Variants in TBL1XR1 observed in about 807,000 individuals in gnomAD.
The protein encoded by TBL1XR1 is TBL1X/Y related 1.
TBL1XR1 carries 5 observed loss-of-function variants against 66.9 expected under a neutral mutation model. That is an observed-to-expected ratio of 0.07 (90% CI 0.04 to 0.16). The LOEUF (loss-of-function observed/expected upper bound fraction) is 0.16, where lower values mean the gene tolerates loss of function less well. Ranked by LOEUF, TBL1XR1 falls within the 10% of genes least tolerant of loss-of-function variation. TBL1XR1 has a pLI of 1.00. For missense variants in TBL1XR1, 238 were observed against 623.2 expected (o/e 0.38, Z 6.58); for synonymous variants, 210 against 206.0 (o/e 1.02, Z -0.17).
chr3:177,170,243 C>A (rs554698972), intron 1 of TBL1XR1, among the ~76,000 whole-genome samples: 5 of 152,156 alleles, frequency 3.3e-5, no homozygotes, highest in South Asian at 2.1e-4. Flanking sequence ...ACAAGCCTCT[C>A]ATGACCTGGG....
chr3:177,156,078 G>A (rs1430389805), intron 1 of TBL1XR1, among the ~76,000 whole-genome samples: 1 of 140,368 alleles, frequency 7.1e-6, no homozygotes, highest in Non-Finnish European at 1.5e-5. Flanking sequence ...TAGAAATACA[G>A]GATAAACTTT....
At chr3:177,091,336 A>G (rs1038401328) in intron 2 of TBL1XR1, among the ~76,000 whole-genome samples, 3 of 152,092 alleles carry the variant, frequency 2.0e-5, no homozygotes, top group African/African-American at 7.2e-5. Context: ...CATGTACTTT[A>G]TATGTCATTT....
At chr3:177,149,464 CAT>C (rs1331809552) in intron 1 of TBL1XR1, among the ~76,000 whole-genome samples, 2 of 152,066 alleles carry the variant, frequency 1.3e-5, no homozygotes, top group East Asian at 1.9e-4. Context: ...TCTCATTTTA[CAT>C]ATAAGAAAAC....
chr3:177,138,455 G>A (rs950802604), intron 1 of TBL1XR1, among the ~76,000 whole-genome samples: 1 of 152,118 alleles, frequency 6.6e-6, no homozygotes, highest in African/African-American at 2.4e-5. Flanking sequence ...TAGTTGGGGT[G>A]GTGGCACACT....
chr3:177,157,346 G>A lies in TBL1XR1; in HGVS notation c.-122+39775C>T, dbSNP rs114720384. ...TCCTCCATCTTCCAAGCCAAGAAAT[G>A]TGTGCATCTGACCATTCTTCAGCAG... On this transcript the variant is annotated intron_variant, in intron 1 of 15. Transcript: ENST00000457928. 2.4e-3 allele frequency among the ~76,000 whole-genome samples: 368 copies of A among 152,358 alleles called. 2 individuals are homozygous for A. The highest frequency in any genetic ancestry group is 6.8e-3 in the Admixed American group (104 of 15,294).
At position 177,019,687 on chromosome 3, in the gene TBL1XR1, G is replaced by T. The variant is rs1193392369; in HGVS notation, c.*5811C>A. 3 of 152,100 alleles carry T rather than the reference G, an allele frequency of 2.0e-5. No homozygotes were observed. Among genetic ancestry groups the T allele is most frequent in the African/African-American group, 7.2e-5 (3 of 41,420 alleles). The allele number at this position is 152,100 out of a possible 1,614,324, so 9.4% of individuals were successfully genotyped here. On this transcript the variant is annotated 3_prime_UTR_variant, in exon 16 of 16. Transcript: ENST00000457928. ...TAATAAATCTAATCCATTGTAAAGT[G>T]TTAACTATGAAATTAAAAATAATCC...
chr3:177,133,179 C>G (rs1178101314), intron 1 of TBL1XR1, among the ~76,000 whole-genome samples: 1 of 152,098 alleles, frequency 6.6e-6, no homozygotes, highest in African/African-American at 2.4e-5. Context: ...CCCAGCTACT[C>G]AGGAGGCTGA....
At chr3:177,138,139 T>C (rs931804413) in intron 1 of TBL1XR1, among the ~76,000 whole-genome samples, 10 of 152,160 alleles carry the variant, frequency 6.6e-5, no homozygotes, top group African/African-American at 2.2e-4. Context: ...CCAAGTTATA[T>C]ACTAATCACA....
intron 1 of TBL1XR1, among the ~76,000 whole-genome samples, chr3:177,159,991 T>G (rs1731982489): frequency 6.6e-6 from 1 of 152,262 alleles, no homozygotes; most frequent in Non-Finnish European, 1.5e-5. Flanking sequence ...TAATATAAAG[T>G]AGTGGTGAAG....
intron 1 of TBL1XR1, among the ~76,000 whole-genome samples, chr3:177,193,453 G>A (rs2109016412): frequency 6.6e-6 from 1 of 152,134 alleles, no homozygotes; most frequent in Admixed American, 6.5e-5. Flanking sequence ...TGGGACTACA[G>A]GTACCCGCCA....
intron 2 of TBL1XR1, among the ~76,000 whole-genome samples, chr3:177,081,020 G>A (rs558713475): frequency 1.3e-5 from 2 of 152,338 alleles, no homozygotes; most frequent in South Asian, 4.1e-4. Flanking sequence ...GTAAAGATAT[G>A]ATGAAACATT....
At chr3:177,057,275 C>G (rs779061831) in intron 3 of TBL1XR1, among the ~76,000 whole-genome samples, 4 of 152,168 alleles carry the variant, frequency 2.6e-5, no homozygotes, top group Non-Finnish European at 4.4e-5. Context: ...CAGGGCTAAC[C>G]AGTCTCTCCT....
rs529369342 is a variant in TBL1XR1, at chr3:177,158,233, T to C, written c.-122+38888A>G. 5.9e-3 allele frequency among the ~76,000 whole-genome samples: 881 copies of C among 150,138 alleles called. 11 individuals are homozygous for C. Among genetic ancestry groups the C allele is most frequent in the African/African-American group, 0.021 (848 of 41,228 alleles). On this transcript the variant is annotated intron_variant, in intron 1 of 15. Coordinates refer to ENST00000457928, the MANE Select transcript of TBL1XR1 (RefSeq NM_024665.7). ...AATATAGGATTTGTTTCTTTTCTTTTTTTTTTTTTTTTTTAAGACAGTCTT... is the reference window on the plus strand; with the variant it reads ...AATATAGGATTTGTTTCTTTTCTTTCTTTTTTTTTTTTTTAAGACAGTCTT...
intron 1 of TBL1XR1, among the ~76,000 whole-genome samples, chr3:177,132,899 C>T (rs1034691856): frequency 6.6e-6 from 1 of 152,200 alleles, no homozygotes; most frequent in Non-Finnish European, 1.5e-5. Flanking sequence ...CCTGTAACTG[C>T]TCACACCGCC....
chr3:177,071,333 A>G (rs1320055777), intron 2 of TBL1XR1, among the ~76,000 whole-genome samples: 1 of 152,186 alleles, frequency 6.6e-6, no homozygotes, highest in African/African-American at 2.4e-5. Context: ...TATAGGAAGA[A>G]CAAAGAGAAA....
At chr3:177,025,597 G>T in intron 15 of TBL1XR1, 73 bp from the exon 16 acceptor site, 1 of 1,414,710 alleles carries the variant, frequency 7.1e-7, no homozygotes, top group Non-Finnish European at 9.8e-7. Context: ...CTTTTCTATA[G>T]TACAATTTGA....
intron 9 of TBL1XR1, among the ~76,000 whole-genome samples, chr3:177,046,896 A>G (rs1298138233): frequency 1.3e-5 from 2 of 152,172 alleles, no homozygotes; most frequent in Non-Finnish European, 2.9e-5. Context: ...ACTTAGACAA[A>G]GAAGGCTAGA....
chr3:177,153,184 T>A lies in TBL1XR1; in HGVS notation c.-122+43937A>T, dbSNP rs139874188. ...GTGTTGAAGTAAAAAGATTAACACA[T>A]AATTCTATACTCAGTGAATATATCC... On this transcript the variant is annotated intron_variant, in intron 1 of 15. Transcript: ENST00000457928. Among the ~76,000 whole-genome samples the A allele has an allele frequency of 3.8e-3, 575 of 152,220 alleles. 2 individuals are homozygous for A. The highest frequency in any genetic ancestry group is 0.014 in the Middle Eastern group (4 of 294).
intron 2 of TBL1XR1, among the ~76,000 whole-genome samples, chr3:177,096,183 G>A (rs959566394): frequency 6.6e-6 from 1 of 152,056 alleles, no homozygotes; most frequent in Non-Finnish European, 1.5e-5. Context: ...AGGGTCATGG[G>A]AAAACCATAC....
Sources: gnomAD v4.1 joint callset for allele counts (sites outside exome capture counted in the v4.1 genomes callset) on GRCh38, gnomAD v4.1.1 for gene constraint, MANE v1.5 for transcripts, NCBI Gene and HGNC (gene_info 2026-07-23, HGNC 2026-07-21) for gene names.